Variants in PTPRT observed in about 807,000 individuals in gnomAD.
The protein encoded by PTPRT is receptor-type tyrosine-protein phosphatase T.
A neutral mutation model predicts 176.8 loss-of-function variants in PTPRT; 56 were observed. The ratio of observed to expected loss-of-function variants is 0.32; its 90% CI spans 0.26 to 0.40. The LOEUF is 0.40. Among genes scored for constraint, PTPRT ranks in the 10% least tolerant of loss-of-function variants. The probability of loss-of-function intolerance (pLI) is 1.00; values close to 1 mark genes in which losing one functional copy is unlikely to be tolerated. For missense variants in PTPRT, 1,540 were observed against 1,908.2 expected, an observed-to-expected ratio of 0.81 and a Z score of 3.60; for synonymous variants, 783 against 739.0, an observed-to-expected ratio of 1.06 and a Z score of -0.96.
Position 42,228,445 on chromosome 20 carries a change from A to T in PTPRT, c.2342+7784T>A, listed in dbSNP as rs563597263. Among the ~76,000 whole-genome samples the T allele has an allele frequency of 2.5e-4, 38 of 152,358 alleles. 1 individual carries two copies. In the South Asian group the frequency reaches 7.0e-3, roughly 28 times the overall value. On this transcript the variant is annotated intron_variant, in intron 15 of 30. Transcript: ENST00000373187. ...GTTGCAATCCCTATCCAAATCTATC[A>T]GTACACATGGTCTAGCCCAGTGCAT...
At chr20:42,863,413 T>C (rs1348734469) in intron 2 of PTPRT, among the ~76,000 whole-genome samples, 2 of 152,154 alleles carry the variant, frequency 1.3e-5, no homozygotes, top group African/African-American at 4.8e-5. Context: ...TGTGACTATC[T>C]AGAAATGAGA....
intron 6 of PTPRT, among the ~76,000 whole-genome samples, chr20:42,723,367 C>A (rs1434746534): frequency 6.6e-6 from 1 of 152,146 alleles, no homozygotes; most frequent in Non-Finnish European, 1.5e-5. Flanking sequence ...CAACCAGGGG[C>A]CGGATGTCCC....
intron 18 of PTPRT, among the ~76,000 whole-genome samples, chr20:42,140,477 C>T (rs982955744): frequency 2.6e-5 from 4 of 152,194 alleles, no homozygotes; most frequent in Non-Finnish European, 5.9e-5. Flanking sequence ...TTGTGTGTTA[C>T]CTATGCATGA....
intron 7 of PTPRT, among the ~76,000 whole-genome samples, chr20:42,496,174 G>T (rs1191553623): frequency 6.6e-6 from 1 of 152,110 alleles, no homozygotes; most frequent in Admixed American, 6.6e-5. Context: ...TGAGGAAGAG[G>T]AGAAAGAAGA....
chr20:42,416,373 T>C (rs557467393), intron 9 of PTPRT, among the ~76,000 whole-genome samples: 5 of 152,290 alleles, frequency 3.3e-5, no homozygotes, highest in African/African-American at 7.2e-5. Context: ...ACCTCCAGAA[T>C]TGTAAGAGAA....
intron 1 of PTPRT, among the ~76,000 whole-genome samples, chr20:42,889,312 G>A (rs2079153366): frequency 6.6e-6 from 1 of 152,236 alleles, no homozygotes; most frequent in Admixed American, 6.5e-5. Flanking sequence ...GGGTTCCACA[G>A]CAGCAGGCCT....
chr20:42,091,341 G>A (rs1001778510), intron 27 of PTPRT, among the ~76,000 whole-genome samples: 1 of 152,214 alleles, frequency 6.6e-6, no homozygotes, highest in Non-Finnish European at 1.5e-5. Flanking sequence ...CTTGCTGATG[G>A]AATCAGAAAG....
At chr20:42,859,472 G>A (rs1157892817) in intron 2 of PTPRT, among the ~76,000 whole-genome samples, 6 of 151,820 alleles carry the variant, frequency 4.0e-5, no homozygotes, top group South Asian at 2.1e-4. Flanking sequence ...TGTGTCTGCC[G>A]GATTATTTTT....
intron 1 of PTPRT, among the ~76,000 whole-genome samples, chr20:43,083,349 T>TATATATATATACATATATATATATAC: frequency 8.5e-6 from 1 of 117,380 alleles, no homozygotes; most frequent in African/African-American, 3.5e-5. Flanking sequence ...TATATATATA[T>TATATATATATACATATATATATATAC]ATATATATAT....
At chr20:42,780,470 A>C (rs957255956) in intron 3 of PTPRT, among the ~76,000 whole-genome samples, 171 bp from the exon 4 acceptor site, 1 of 152,174 alleles carries the variant, frequency 6.6e-6, no homozygotes, top group Admixed American at 6.5e-5. Context: ...TTTTCAACAC[A>C]AGGTAAAAAG....
At chr20:42,613,575 C>T (rs1361136355) in intron 7 of PTPRT, among the ~76,000 whole-genome samples, 2 of 152,166 alleles carry the variant, frequency 1.3e-5, no homozygotes, top group Non-Finnish European at 1.5e-5. Flanking sequence ...TGGCTATGAT[C>T]TAAGTTGCAG....
chr20:43,091,720 G>A (rs139223902), intron 1 of PTPRT, among the ~76,000 whole-genome samples: 2 of 152,260 alleles, frequency 1.3e-5, no homozygotes, highest in Non-Finnish European at 2.9e-5. Flanking sequence ...ATTCTAGAAA[G>A]AGAAGAATTC....
At chr20:42,445,486 C>T (rs546606424) in intron 9 of PTPRT, among the ~76,000 whole-genome samples, 2 of 152,106 alleles carry the variant, frequency 1.3e-5, no homozygotes, top group Non-Finnish European at 2.9e-5. Context: ...ATGTCACCAT[C>T]CTTATTTTCT....
intron 2 of PTPRT, among the ~76,000 whole-genome samples, chr20:42,860,016 A>G (rs561417940): frequency 6.6e-6 from 1 of 152,238 alleles, no homozygotes; most frequent in South Asian, 2.1e-4. Flanking sequence ...TTAAATATTT[A>G]TTTATTCTTT....
chr20:42,219,994 T>C (rs2055848777), intron 15 of PTPRT, among the ~76,000 whole-genome samples: 1 of 152,150 alleles, frequency 6.6e-6, no homozygotes, highest in South Asian at 2.1e-4. Context: ...AACGAAATTA[T>C]TTCCCCATCT....
At chr20:42,062,743 A>G in the PTPRT span, among the ~76,000 whole-genome samples, 10 of 151,406 alleles carry the variant, frequency 6.6e-5, no homozygotes, top group Non-Finnish European at 1.3e-4. Context: ...GGCCTATACC[A>G]CTGTTTCTGG....
chr20:43,061,956 T>A (rs1401945386), intron 1 of PTPRT, among the ~76,000 whole-genome samples: 1 of 152,160 alleles, frequency 6.6e-6, no homozygotes, highest in Non-Finnish European at 1.5e-5. Context: ...CAACAATGGG[T>A]GAAGCTTAAA....
intron 15 of PTPRT, among the ~76,000 whole-genome samples, chr20:42,231,254 G>A (rs185778002): frequency 9.8e-5 from 15 of 152,334 alleles, no homozygotes; most frequent in East Asian, 1.9e-4. Context: ...CTCCAAGCAC[G>A]TGGTCCAGGC....
chr20:42,095,760 T>C (rs1032033186), intron 27 of PTPRT, among the ~76,000 whole-genome samples: 5 of 152,226 alleles, frequency 3.3e-5, no homozygotes, highest in Non-Finnish European at 7.3e-5. Flanking sequence ...TTTTTTTTTA[T>C]GCCTCGCTTT....
Sources: allele counts gnomAD v4.1 joint callset (sites outside exome capture counted in the v4.1 genomes callset), GRCh38; gene constraint gnomAD v4.1.1; transcripts MANE v1.5; gene names NCBI Gene and HGNC (gene_info 2026-07-23, HGNC 2026-07-21).